Variants in PPP2R5C observed in about 807,000 individuals in gnomAD.
PPP2R5C encodes protein phosphatase 2 regulatory subunit B'gamma.
PPP2R5C carries 7 observed loss-of-function variants against 68.9 expected under a neutral mutation model. That is an observed-to-expected ratio of 0.10 (90% confidence interval 0.06 to 0.19). The LOEUF (loss-of-function observed/expected upper bound fraction) is 0.19, where lower values mean the gene tolerates loss of function less well. Among genes scored for constraint, PPP2R5C ranks in the 10% least tolerant of loss-of-function variants. The pLI is 1.00. For missense variants in PPP2R5C, 348 were observed against 641.3 expected (o/e 0.54, Z 4.94); for synonymous variants, 210 against 222.2 (o/e 0.95, Z 0.49).
At chr14:101,923,376 A>G (rs756870860) in intron 13 of PPP2R5C, among the ~76,000 whole-genome samples, 2 of 152,048 alleles carry the variant, frequency 1.3e-5, no homozygotes, top group African/African-American at 2.4e-5. Flanking sequence ...TGGAGTGCCT[A>G]TTTCAGCTGT....
intron 1 of PPP2R5C, among the ~76,000 whole-genome samples, chr14:101,827,979 TG>T (rs1281302120): frequency 2.0e-5 from 3 of 152,172 alleles, no homozygotes; most frequent in Non-Finnish European, 4.4e-5. Context: ...TGATCTTATT[TG>T]TATGTTAGGA....
chr14:101,899,695 A>T lies in PPP2R5C; in HGVS notation c.853-2024A>T, dbSNP rs771694218. On this transcript the variant is annotated intron_variant, in intron 8 of 13. Transcript: ENST00000334743. This position sits in a 1 kb window ranked among gnomAD's most constrained non-coding sequence, Gnocchi z 4.2. ...TGAAGAGAAATAGATGTAGGAAGTGATTTCCATCTGCTGTGTCCTTAATAG... is the reference window on the plus strand; with the variant it reads ...TGAAGAGAAATAGATGTAGGAAGTGTTTTCCATCTGCTGTGTCCTTAATAG... Among the ~76,000 whole-genome samples, 13 of 152,230 alleles carry T rather than the reference A, an allele frequency of 8.5e-5. No individual in the cohort carries two copies. Among genetic ancestry groups the T allele is most frequent in the Non-Finnish European group, 1.9e-4 (13 of 68,038 alleles).
At chr14:101,823,192 G>A (rs1016540648) in intron 1 of PPP2R5C, among the ~76,000 whole-genome samples, 1 of 152,144 alleles carries the variant, frequency 6.6e-6, no homozygotes, top group Non-Finnish European at 1.5e-5. Flanking sequence ...AGGAAATGGG[G>A]ACCTATCAGC....
chr14:101,770,125 C>G (rs1488874352), intron 2 of PPP2R5C, among the ~76,000 whole-genome samples: 1 of 152,138 alleles, frequency 6.6e-6, no homozygotes, highest in Non-Finnish European at 1.5e-5. Context: ...TTTGTGCAGT[C>G]TGTTGTTATC....
chr14:101,820,196 G>A (rs971296354), intron 1 of PPP2R5C: 4 of 152,162 alleles, frequency 2.6e-5, no homozygotes, highest in Non-Finnish European at 5.9e-5. Flanking sequence ...ATCAATTGAG[G>A]GGAAAACAAC....
chr14:101,793,166 C>G (rs1482400175), intron 3 of PPP2R5C, among the ~76,000 whole-genome samples: 1 of 152,176 alleles, frequency 6.6e-6, no homozygotes, highest in African/African-American at 2.4e-5. Context: ...GCATGAGCCA[C>G]CACACCTGGC....
At chr14:101,795,613 G>T (rs1161007980) in intron 3 of PPP2R5C, among the ~76,000 whole-genome samples, 1 of 152,078 alleles carries the variant, frequency 6.6e-6, no homozygotes, top group Non-Finnish European at 1.5e-5. Context: ...CAAAGTTATA[G>T]CAGAATAATG....
At position 101,797,942 on chromosome 14, in the gene PPP2R5C, C is replaced by T. The variant is rs188127346; in HGVS notation, c.259+11759C>T. On this transcript the variant is annotated intron_variant, in intron 3 of 14. Transcript: ENST00000328724. The surrounding 1 kb of genome is among the most constrained non-coding windows in gnomAD (Gnocchi z 4.2). The stretch of plus-strand genomic sequence containing the variant: ...CCATCCTCTTTAATCACTCCCAGGC[C>T]TCGCTCACACAGCAACAAGTGCCTG... 8.8e-4 allele frequency among the ~76,000 whole-genome samples: 134 copies of T among 152,214 alleles called. 1 individual carries two copies. The highest frequency in any genetic ancestry group is 8.3e-3 in the Admixed American group (127 of 15,298).
At chr14:101,880,907 A>G (rs1241814833) in intron 2 of PPP2R5C, among the ~76,000 whole-genome samples, 1 of 152,146 alleles carries the variant, frequency 6.6e-6, no homozygotes, top group Non-Finnish European at 1.5e-5. Context: ...CTCTCTAGAA[A>G]CATCTTCTCG....
chr14:101,799,476 T>C (rs1476449491), intron 3 of PPP2R5C, among the ~76,000 whole-genome samples: 3 of 152,180 alleles, frequency 2.0e-5, no homozygotes, highest in African/African-American at 7.2e-5. Context: ...GGGGATTTAT[T>C]GAAGGCAGCC....
intron 2 of PPP2R5C, among the ~76,000 whole-genome samples, chr14:101,773,375 G>A (rs1029073758): frequency 5.3e-5 from 8 of 152,126 alleles, no homozygotes; most frequent in Non-Finnish European, 8.8e-5. Context: ...GAGATTGGGA[G>A]GCTGCTTCAG....
At chr14:101,803,495 CA>C (rs2038953897) in intron 3 of PPP2R5C, among the ~76,000 whole-genome samples, 1 of 152,088 alleles carries the variant, frequency 6.6e-6, no homozygotes, top group African/African-American at 2.4e-5. Flanking sequence ...GAGGCCAAGG[CA>C]GGTGGATCAC....
Position 101,883,681 on chromosome 14 carries a change from A to C in PPP2R5C, c.629+119A>C, listed in dbSNP as rs903380995. ...TCAGCATGTGGAGGGGGTTTCTCAA[A>C]GCCTATTTGTCATGTGCAGGTGGAC... On this transcript the variant is annotated intron_variant, in intron 5 of 13. Coordinates refer to ENST00000334743, the Ensembl canonical transcript of PPP2R5C. 8.2e-6 allele frequency: 11 copies of C among 1,341,266 alleles called. No homozygotes were observed. In the Admixed American group the frequency reaches 2.4e-4, roughly 29 times the overall value. The allele number at this position is 1,341,266 out of a possible 1,614,324, so 83.1% of individuals were successfully genotyped here. A position where few individuals can be genotyped will look rare whatever the true frequency, so the allele number is the denominator to read the frequency against.
chr14:101,856,282 A>C (rs942173890), intron 1 of PPP2R5C, among the ~76,000 whole-genome samples: 1 of 152,312 alleles, frequency 6.6e-6, no homozygotes. Context: ...AATTCTGCAG[A>C]TATCACCTGG....
chr14:101,771,506 G>T (rs1413720799), intron 2 of PPP2R5C, among the ~76,000 whole-genome samples: 1 of 152,126 alleles, frequency 6.6e-6, no homozygotes, highest in African/African-American at 2.4e-5. Flanking sequence ...CCAGGCGGGT[G>T]GATCATGAGG....
intron 9 of PPP2R5C, 54 bp downstream of exon 11, chr14:101,901,943 G>A: frequency 1.3e-6 from 2 of 1,571,760 alleles, no homozygotes; most frequent in Admixed American, 1.8e-5. Context: ...ATTTGGGAAA[G>A]GAAAAGTTCC....
intron 1 of PPP2R5C, chr14:101,831,610 A>C (rs147948098): frequency 1.7e-6 from 1 of 592,364 alleles, no homozygotes; most frequent in Non-Finnish European, 3.1e-6. Context: ...CATTCCTTAA[A>C]TAAGTACAAG....
intron 1 of PPP2R5C, chr14:101,820,415 A>G (rs1027233924): frequency 3.3e-5 from 5 of 152,236 alleles, no homozygotes; most frequent in Admixed American, 1.3e-4. Context: ...TCAGTGACCA[A>G]CGAACGATGC....
chr14:101,763,974 C>G (rs1002316252), intron 2 of PPP2R5C, among the ~76,000 whole-genome samples: 1 of 151,770 alleles, frequency 6.6e-6, no homozygotes. Flanking sequence ...AAAAATTTAC[C>G]TAGTTTTGGT....
Sources: gnomAD v4.1 joint callset for allele counts (sites outside exome capture counted in the v4.1 genomes callset) on GRCh38, gnomAD v4.1.1 for gene constraint, Gnocchi (gnomAD v3.1) non-coding constraint, MANE v1.5 for transcripts, NCBI Gene and HGNC (gene_info 2026-07-23, HGNC 2026-07-21) for gene names.